Variants in ZFP90 observed in about 807,000 individuals in gnomAD.
ZFP90 encodes the protein zinc finger protein 90 homolog.
In ZFP90, 38 loss-of-function variants were observed where a neutral mutation model predicts 60.8. That is an observed-to-expected ratio of 0.62 (90% CI 0.48 to 0.82). The LOEUF is 0.82. Ranked by LOEUF, ZFP90 falls within the 40% of genes least tolerant of loss-of-function variation. ZFP90 has a pLI of 0.00. For synonymous variants in ZFP90, 287 were observed against 264.8 expected (o/e 1.08, Z -0.82); for missense variants, 711 against 759.1 (o/e 0.94, Z 0.74).
At chr16:68,562,811 C>T (rs1222212782) in intron 4 of ZFP90, 6 of 860,088 alleles carry the variant, frequency 7.0e-6, no homozygotes, top group Admixed American at 2.8e-5. Flanking sequence ...TTCTAACCAA[C>T]CCTCCTAGAT....
rs2091480295 is a variant in ZFP90, at chr16:68,564,095, TCTCA to T, written c.1313_1316del (p.Thr438LysfsTer9). On this transcript the variant is annotated frameshift_variant, in exon 5 of 5. Transcript: ENST00000563169. LOFTEE classifies it high-confidence loss of function. ...GCATAGATTTCAAGCACAGCACATC[TCTCA>T]CTCAAGATGAAAGCACTCTTACCGA... The T allele has an allele frequency of 3.7e-6, 6 of 1,614,022 alleles. No homozygotes were observed. The highest frequency in any genetic ancestry group is 1.6e-4 in the Middle Eastern group (1 of 6,084).
At chr16:68,545,695 G>T (rs953774702) in intron 2 of ZFP90, among the ~76,000 whole-genome samples, 3 of 152,084 alleles carry the variant, frequency 2.0e-5, no homozygotes, top group Admixed American at 1.3e-4. Flanking sequence ...GGTGCCTGTA[G>T]TCCCAGCTAC....
chr16:68,564,882 T>G lies in ZFP90; in HGVS notation c.*184T>G. On this transcript the variant is annotated 3_prime_UTR_variant, in exon 5 of 5. Transcript: ENST00000563169. ...ATAAAGACACATTCTCAGATCTGAT[T>G]ACAGACTAGTGTAAAAACAGCTACA... is the stretch of plus-strand genomic sequence containing the variant. 7.3e-7 allele frequency: 1 copy of G among 1,369,702 alleles called. No individual in the cohort carries two copies. Among genetic ancestry groups the G allele is most frequent in the South Asian group, 1.9e-5 (1 of 52,900 alleles). The allele number at this position is 1,369,702 out of a possible 1,614,324, so 84.8% of individuals were successfully genotyped here. A position where few individuals can be genotyped will look rare whatever the true frequency, so the allele number is the denominator to read the frequency against.
At chr16:68,560,157 C>CCT (rs374366606) in intron 4 of ZFP90, among the ~76,000 whole-genome samples, 1 of 151,856 alleles carries the variant, frequency 6.6e-6, no homozygotes, top group Non-Finnish European at 1.5e-5. Flanking sequence ...GAGATTCACC[C>CCT]CTTTAGAGCA....
intron 2 of ZFP90, among the ~76,000 whole-genome samples, chr16:68,548,579 T>G (rs1488335253): frequency 1.4e-5 from 2 of 145,426 alleles, no homozygotes; most frequent in African/African-American, 5.1e-5. Context: ...CTACCTCCGC[T>G]TCCCAGGTTC....
intron 2 of ZFP90, among the ~76,000 whole-genome samples, chr16:68,544,864 CTTTTTTTTTTTTTTTTTTTTTTTT>C (rs71148911): frequency 1.4e-4 from 9 of 66,564 alleles, no homozygotes; most frequent in South Asian, 7.1e-4. Context: ...CTGTGAACAC[CTTTTTTTTTTTTTTTTTTTTTTTT>C]TTTTTTTTTT....
chr16:68,548,031 C>A (rs565534790), intron 2 of ZFP90, among the ~76,000 whole-genome samples: 2 of 151,830 alleles, frequency 1.3e-5, no homozygotes, highest in African/African-American at 4.8e-5. Context: ...TTCACCATGT[C>A]GGTCAGGCTG....
At chr16:68,535,556 T>C (rs12926059), upstream of ZFP90, 115,980 of 151,528 alleles carry the variant, frequency 0.77, 44,465 homozygotes, top group East Asian at 0.82. Flanking sequence ...GAGGTTTATC[T>C]GAGGCACAAT....
At chr16:68,568,042 A>T (rs1473063794), downstream of ZFP90, among the ~76,000 whole-genome samples, 1 of 152,192 alleles carries the variant, frequency 6.6e-6, no homozygotes. Flanking sequence ...TCCTATTTCA[A>T]TTACATTGGT....
At position 68,539,376 on chromosome 16, in the gene ZFP90, A is replaced by C; in HGVS notation, c.-139A>C. On this transcript the variant is annotated 5_prime_UTR_variant, in exon 1 of 5. Transcript: ENST00000563169. ...TTGGGCAGCCCCTCCGCAGATCAGA[A>C]TTGGAGATAACCGAGGCTTCGGCGG... 8 of 230,406 alleles carry C rather than the reference A, an allele frequency of 3.5e-5. No individual in the cohort carries two copies. Among genetic ancestry groups the C allele is most frequent in the South Asian group, 1.5e-4 (1 of 6,870 alleles). 14.3% of individuals were successfully genotyped at this position (230,406 alleles called of 1,614,324 possible).
upstream of ZFP90, among the ~76,000 whole-genome samples, chr16:68,536,520 T>G (rs2090961520): frequency 6.6e-6 from 1 of 152,118 alleles, no homozygotes; most frequent in Non-Finnish European, 1.5e-5. Context: ...ACCAGGATGG[T>G]CTGGAACGCC....
rs1312318859 is a variant in ZFP90, at chr16:68,567,052, T to C, written c.*2354T>C. 3.0e-6 allele frequency: 3 copies of C among 985,500 alleles called. No homozygotes were observed. The African/African-American group carries it at 5.2e-5, about 17-fold the overall frequency. 61.0% of individuals were successfully genotyped at this position (985,500 alleles called of 1,614,324 possible). On this transcript the variant is annotated 3_prime_UTR_variant, in exon 5 of 5. Transcript: ENST00000563169. ...CAGCCATGAACCATGCACTTATGGATACCCAGCCTTTTAGGGCTACGTGAA... is the reference window on the plus strand; with the variant it reads ...CAGCCATGAACCATGCACTTATGGACACCCAGCCTTTTAGGGCTACGTGAA...
chr16:68,541,391 C>G (rs530878213), intron 2 of ZFP90, among the ~76,000 whole-genome samples: 1 of 151,828 alleles, frequency 6.6e-6, no homozygotes, highest in Non-Finnish European at 1.5e-5. Flanking sequence ...GATTTGAATT[C>G]CTAAGCTCAA....
intron 4 of ZFP90, among the ~76,000 whole-genome samples, chr16:68,559,824 T>C (rs2152072011): frequency 6.6e-6 from 1 of 152,270 alleles, no homozygotes; most frequent in South Asian, 2.1e-4. Context: ...CCACCCACCT[T>C]GGCCTCCCAA....
At chr16:68,553,453 G>A (rs1318258305) in intron 2 of ZFP90, among the ~76,000 whole-genome samples, 8 of 152,112 alleles carry the variant, frequency 5.3e-5, no homozygotes, top group Non-Finnish European at 1.0e-4. Context: ...GGGTGCAGGC[G>A]AGAGCTGCAG....
At chr16:68,552,268 G>A (rs2091275882) in intron 2 of ZFP90, among the ~76,000 whole-genome samples, 1 of 152,198 alleles carries the variant, frequency 6.6e-6, no homozygotes, top group African/African-American at 2.4e-5. Flanking sequence ...ACTTTTGATT[G>A]TCTGTTATGT....
Position 68,566,098 on chromosome 16 carries a change from A to T in ZFP90, c.*1400A>T, listed in dbSNP as rs893913648. 1 of 981,894 alleles carries T rather than the reference A, an allele frequency of 1.0e-6. No individual in the cohort carries two copies. Among genetic ancestry groups the T allele is most frequent in the Non-Finnish European group, 1.2e-6 (1 of 828,198 alleles). The allele number at this position is 981,894 out of a possible 1,614,324, so 60.8% of individuals were successfully genotyped here. A position where few individuals can be genotyped will look rare whatever the true frequency, so the allele number is the denominator to read the frequency against. ...CAGTGAGCTGAGATCACACTACTGC[A>T]TTCCAGCCTGAGCAACAGAGCAAGA... On this transcript the variant is annotated 3_prime_UTR_variant, in exon 5 of 5. Coordinates refer to ENST00000563169, the MANE Select transcript of ZFP90 (RefSeq NM_001305203.2).
chr16:68,550,660 T>C (rs1360360226), intron 2 of ZFP90, among the ~76,000 whole-genome samples: 1 of 152,200 alleles, frequency 6.6e-6, no homozygotes, highest in Non-Finnish European at 1.5e-5. Flanking sequence ...TTAAAACCAG[T>C]TTGTAATTGG....
chr16:68,546,509 T>C (rs1163543433), intron 2 of ZFP90, among the ~76,000 whole-genome samples: 1 of 152,052 alleles, frequency 6.6e-6, no homozygotes, highest in African/African-American at 2.4e-5. Context: ...TCAAACAGTA[T>C]GTTTTGTTTT....
Sources: gnomAD v4.1 joint callset for allele counts (sites outside exome capture counted in the v4.1 genomes callset) on GRCh38, gnomAD v4.1.1 for gene constraint, MANE v1.5 for transcripts, NCBI Gene and HGNC (gene_info 2026-07-23, HGNC 2026-07-21) for gene names.